Variants in RALYL observed in about 807,000 individuals in gnomAD.
RALYL encodes the protein RALY RNA binding protein like, also known as RNA-binding Raly-like protein.
RALYL carries 29 observed loss-of-function variants against 35.1 expected under a neutral mutation model. The observed-to-expected ratio is 0.83, with a 90% CI of 0.61 to 1.13. The LOEUF (loss-of-function observed/expected upper bound fraction) is 1.13, where lower values mean the gene tolerates loss of function less well. Ranked by LOEUF, RALYL falls within the 50% of genes most tolerant of loss-of-function variation. The pLI, the probability that RALYL is intolerant of heterozygous loss-of-function variation, is 0.00. For synonymous variants in RALYL, 120 were observed against 127.6 expected (o/e 0.94, Z 0.40); for missense variants, 359 against 360.4 (o/e 1.00, Z 0.03).
chr8:84,190,107 T>C (rs1403934742), intron 1 of RALYL, among the ~76,000 whole-genome samples: 2 of 152,218 alleles, frequency 1.3e-5, no homozygotes, highest in African/African-American at 4.8e-5. Flanking sequence ...ATCTCTACTC[T>C]TGGAGCTTTT....
At chr8:84,342,762 T>C (rs1361017321) in intron 1 of RALYL, among the ~76,000 whole-genome samples, 2 of 152,008 alleles carry the variant, frequency 1.3e-5, no homozygotes, top group Non-Finnish European at 2.9e-5. Context: ...CTTTGGTGTA[T>C]GAACATATTA....
chr8:84,366,181 A>G (rs1448111114), intron 1 of RALYL, among the ~76,000 whole-genome samples: 3 of 152,140 alleles, frequency 2.0e-5, no homozygotes, highest in Non-Finnish European at 4.4e-5. Flanking sequence ...TAATAAAAAC[A>G]TGTAAGAAGA....
chr8:84,770,419 C>CATATATATATATAT (rs1347642113), intron 2 of RALYL, among the ~76,000 whole-genome samples: 1 of 151,826 alleles, frequency 6.6e-6, no homozygotes, highest in African/African-American at 2.4e-5. Flanking sequence ...TATATATATA[C>CATATATATATATAT]ACACCATAAT....
chr8:84,639,105 G>A (rs1588680573), intron 2 of RALYL, among the ~76,000 whole-genome samples: 1 of 150,474 alleles, frequency 6.6e-6, no homozygotes, highest in South Asian at 2.1e-4. Context: ...TCTGTAAACT[G>A]GGCAGAACTA....
chr8:84,209,745 A>G (rs1015304863), intron 1 of RALYL, among the ~76,000 whole-genome samples: 1 of 152,198 alleles, frequency 6.6e-6, no homozygotes, highest in Non-Finnish European at 1.5e-5. Context: ...CTGTAATACC[A>G]TCAGATAAAT....
chr8:84,468,131 T>G (rs1168999496), intron 1 of RALYL, among the ~76,000 whole-genome samples: 1 of 151,992 alleles, frequency 6.6e-6, no homozygotes, highest in Non-Finnish European at 1.5e-5. Context: ...TTGGAGAATT[T>G]AGTGCATTTA....
At chr8:84,822,702 A>G (rs1165278031) in intron 4 of RALYL, among the ~76,000 whole-genome samples, 1 of 152,174 alleles carries the variant, frequency 6.6e-6, no homozygotes, top group South Asian at 2.1e-4. Context: ...GAGTAGTATC[A>G]AAATCATTTA....
chr8:84,575,283 T>A (rs1809071731), intron 2 of RALYL, among the ~76,000 whole-genome samples: 1 of 152,164 alleles, frequency 6.6e-6, no homozygotes, highest in South Asian at 2.1e-4. Flanking sequence ...CATAAAATCT[T>A]GTATTTGAGA....
At chr8:84,414,462 A>C (rs2044417538) in intron 1 of RALYL, among the ~76,000 whole-genome samples, 1 of 152,198 alleles carries the variant, frequency 6.6e-6, no homozygotes, top group African/African-American at 2.4e-5. Flanking sequence ...GAAGGGAATT[A>C]AAGAAGAGGT....
At chr8:84,271,169 A>G (rs1172725218) in intron 1 of RALYL, among the ~76,000 whole-genome samples, 3 of 152,146 alleles carry the variant, frequency 2.0e-5, no homozygotes, top group Non-Finnish European at 4.4e-5. Context: ...GACATTTAAA[A>G]AAAAAACAGG....
At chr8:84,408,073 TAAAA>T (rs376340744) in intron 1 of RALYL, among the ~76,000 whole-genome samples, 1 of 151,806 alleles carries the variant, frequency 6.6e-6, no homozygotes, top group African/African-American at 2.4e-5. Flanking sequence ...TTATTTTACT[TAAAA>T]AAAAGTTTTT....
chr8:84,874,408 C>T (rs996287943), intron 7 of RALYL, among the ~76,000 whole-genome samples: 2 of 152,116 alleles, frequency 1.3e-5, no homozygotes, highest in South Asian at 2.1e-4. Context: ...TGATAGACCT[C>T]GGTCTCAAAC....
intron 1 of RALYL, among the ~76,000 whole-genome samples, chr8:84,464,888 C>A (rs1161373827): frequency 2.9e-5 from 4 of 140,278 alleles, no homozygotes; most frequent in African/African-American, 8.0e-5. Context: ...TCTCTGATGG[C>A]CAGTGATGAT....
At chr8:84,335,168 G>A (rs1847540500) in intron 1 of RALYL, among the ~76,000 whole-genome samples, 1 of 152,104 alleles carries the variant, frequency 6.6e-6, no homozygotes, top group Non-Finnish European at 1.5e-5. Flanking sequence ...TACTCTAGTG[G>A]AACATCTCCA....
At chr8:84,735,806 A>T (rs1847155345) in intron 2 of RALYL, among the ~76,000 whole-genome samples, 1 of 115,916 alleles carries the variant, frequency 8.6e-6, no homozygotes, top group Admixed American at 8.3e-5. Flanking sequence ...AGATCATCCA[A>T]ACCGCGAGAG....
intron 2 of RALYL, among the ~76,000 whole-genome samples, chr8:84,604,627 C>A (rs1816714611): frequency 6.6e-6 from 1 of 152,108 alleles, no homozygotes; most frequent in Non-Finnish European, 1.5e-5. Context: ...GCTTGCCACA[C>A]CCTGTTTAAG....
intron 4 of RALYL, among the ~76,000 whole-genome samples, chr8:84,808,514 A>G (rs1049730635): frequency 2.0e-5 from 3 of 152,084 alleles, no homozygotes; most frequent in Non-Finnish European, 4.4e-5. Context: ...TATGAATTTT[A>G]GAATTGTTTT....
intron 2 of RALYL, among the ~76,000 whole-genome samples, chr8:84,619,957 A>G (rs1165381207): frequency 1.3e-3 from 148 of 116,198 alleles, no homozygotes; most frequent in African/African-American, 2.2e-3. Context: ...TTCTGCTGAG[A>G]GATCCGCTGT....
intron 2 of RALYL, among the ~76,000 whole-genome samples, chr8:84,728,150 T>C (rs959544650): frequency 3.3e-5 from 5 of 151,616 alleles, no homozygotes; most frequent in African/African-American, 1.2e-4. Flanking sequence ...TTCCTGACTT[T>C]TTAATGATTG....
Sources: gnomAD v4.1 joint callset for allele counts (sites outside exome capture counted in the v4.1 genomes callset) on GRCh38, gnomAD v4.1.1 for gene constraint, MANE v1.5 for transcripts, NCBI Gene and HGNC (gene_info 2026-07-23, HGNC 2026-07-21) for gene names.